The following NDUFAF2 variants were observed in gnomAD, a reference collection of about 807,000 sequenced individuals.
The protein encoded by NDUFAF2 is NADH dehydrogenase [ubiquinone] 1 alpha subcomplex assembly factor 2.
A neutral mutation model predicts 22.8 loss-of-function variants in NDUFAF2; 13 were observed. The observed-to-expected ratio is 0.57, with a 90% CI of 0.37 to 0.91. The LOEUF (loss-of-function observed/expected upper bound fraction) is 0.91. NDUFAF2 is among the 40% of genes least tolerant of loss of function. NDUFAF2 has a pLI of 0.01. For synonymous variants in NDUFAF2, 53 were observed against 64.2 expected, an observed-to-expected ratio of 0.83 and a Z score of 0.84; for missense variants, 162 against 195.2, an observed-to-expected ratio of 0.83 and a Z score of 1.01.
chr5:61,014,453 G>T (rs1049410685), intron 1 of NDUFAF2, among the ~76,000 whole-genome samples: 6 of 152,134 alleles, frequency 3.9e-5, no homozygotes. Flanking sequence ...TAAGTAGGTG[G>T]TAGTGAATAA....
chr5:61,141,703 G>C (rs1441544833), intron 3 of NDUFAF2, among the ~76,000 whole-genome samples: 1 of 147,112 alleles, frequency 6.8e-6, no homozygotes, highest in Non-Finnish European at 1.5e-5. Flanking sequence ...AAAAACACAT[G>C]AATGAATAAG....
At chr5:61,077,197 A>G (rs896231079) in intron 2 of NDUFAF2, among the ~76,000 whole-genome samples, 1 of 152,236 alleles carries the variant, frequency 6.6e-6, no homozygotes, top group African/African-American at 2.4e-5. Context: ...TGTATAAAGC[A>G]ATGAGACTGA....
At chr5:61,003,043 C>T (rs1249525523) in intron 1 of NDUFAF2, among the ~76,000 whole-genome samples, 1 of 152,078 alleles carries the variant, frequency 6.6e-6, no homozygotes, top group African/African-American at 2.4e-5. Flanking sequence ...GTCCACTATT[C>T]ACTGCTTTAT....
intron 1 of NDUFAF2, among the ~76,000 whole-genome samples, chr5:60,989,204 C>G (rs1580082558): frequency 6.6e-6 from 1 of 152,132 alleles, no homozygotes; most frequent in African/African-American, 2.4e-5. Context: ...ATCAGAACCA[C>G]AGCGTGATAT....
chr5:61,043,138 T>G (rs1356664575), intron 1 of NDUFAF2, among the ~76,000 whole-genome samples: 1 of 152,036 alleles, frequency 6.6e-6, no homozygotes, highest in Non-Finnish European at 1.5e-5. Context: ...GAGAATTGCT[T>G]GAACTTGGGA....
At chr5:60,990,280 CTA>C (rs2112584806) in intron 1 of NDUFAF2, among the ~76,000 whole-genome samples, 1 of 152,154 alleles carries the variant, frequency 6.6e-6, no homozygotes, top group Admixed American at 6.5e-5. Flanking sequence ...TTCACAATAA[CTA>C]AAAGAGTATA....
At chr5:60,969,643 T>A (rs1040680317) in intron 1 of NDUFAF2, among the ~76,000 whole-genome samples, 20 of 152,140 alleles carry the variant, frequency 1.3e-4, no homozygotes, top group African/African-American at 4.6e-4. Context: ...AGATGGGTAG[T>A]GTGCAAATAT....
chr5:61,092,471 T>C (rs578178588), intron 2 of NDUFAF2, among the ~76,000 whole-genome samples: 1 of 152,282 alleles, frequency 6.6e-6, no homozygotes, highest in Admixed American at 6.5e-5. Flanking sequence ...TTTGTGGCAA[T>C]TGTGAATGGG....
intron 1 of NDUFAF2, among the ~76,000 whole-genome samples, chr5:60,952,581 T>G (rs1750562682): frequency 6.6e-6 from 1 of 152,136 alleles, no homozygotes; most frequent in African/African-American, 2.4e-5. Flanking sequence ...AAATGTATTG[T>G]AAATTGTTTT....
At chr5:60,988,489 G>A (rs927743837) in intron 1 of NDUFAF2, among the ~76,000 whole-genome samples, 2 of 152,148 alleles carry the variant, frequency 1.3e-5, no homozygotes, top group African/African-American at 4.8e-5. Flanking sequence ...TAAGCTTAAA[G>A]AACAAACCTG....
chr5:61,047,958 A>G (rs1751973764), intron 1 of NDUFAF2, among the ~76,000 whole-genome samples: 1 of 152,210 alleles, frequency 6.6e-6, no homozygotes. Context: ...GAATAAAAGA[A>G]CAAAGAAAGT....
chr5:60,981,603 G>A (rs1041385310), intron 1 of NDUFAF2, among the ~76,000 whole-genome samples: 2 of 152,134 alleles, frequency 1.3e-5, no homozygotes, highest in Non-Finnish European at 2.9e-5. Flanking sequence ...AAGATGAACT[G>A]ATCAAGAATA....
Position 60,948,128 on chromosome 5 carries a change from C to T in NDUFAF2, c.127+2746C>T, listed in dbSNP as rs939885184. On this transcript the variant is annotated intron_variant, in intron 1 of 3. Transcript: ENST00000296597. Reference sequence around the variant, plus strand: ...ACAATTTGTTGTGCTCCTTTCTAGTCTTGCCTTATGCTTCTGCTTCCATGG... The same window carrying T: ...ACAATTTGTTGTGCTCCTTTCTAGTTTTGCCTTATGCTTCTGCTTCCATGG... Among the ~76,000 whole-genome samples the T allele has an allele frequency of 5.3e-5, 8 of 152,198 alleles. No homozygotes were observed. In the South Asian group the frequency reaches 1.7e-3, roughly 31 times the overall value.
intron 3 of NDUFAF2, among the ~76,000 whole-genome samples, chr5:61,134,603 A>C (rs1468973449): frequency 6.6e-6 from 1 of 152,064 alleles, no homozygotes; most frequent in Non-Finnish European, 1.5e-5. Flanking sequence ...GGAGAATGGC[A>C]TGAACCCAGG....
At chr5:60,960,874 T>A (rs898869565) in intron 1 of NDUFAF2, among the ~76,000 whole-genome samples, 6 of 152,208 alleles carry the variant, frequency 3.9e-5, no homozygotes, top group African/African-American at 7.2e-5. Flanking sequence ...TTTACACTTT[T>A]TTTCCCCTCA....
intron 1 of NDUFAF2, among the ~76,000 whole-genome samples, chr5:60,991,809 C>A (rs1194452178): frequency 6.6e-6 from 1 of 152,020 alleles, no homozygotes. Context: ...GGGGTATGTA[C>A]CTAGGGGAGG....
intron 3 of NDUFAF2, among the ~76,000 whole-genome samples, chr5:61,106,058 A>G (rs1206122960): frequency 2.6e-5 from 4 of 151,552 alleles, no homozygotes; most frequent in African/African-American, 9.8e-5. Context: ...AATCCGTTTA[A>G]GAAGCAATTA....
chr5:60,972,118 T>C (rs748706121), intron 1 of NDUFAF2, among the ~76,000 whole-genome samples: 15 of 151,912 alleles, frequency 9.9e-5, no homozygotes, highest in Non-Finnish European at 4.4e-5. Context: ...AATTTTTGTA[T>C]TTTTAGTAGA....
rs545760031 is a variant in NDUFAF2, at chr5:60,965,270, A to G, written c.127+19888A>G. On this transcript the variant is annotated intron_variant, in intron 1 of 3. Transcript: ENST00000296597. ...TTAAGGTATAATTGACAAAAATTGT[A>G]TATATTTACAGTGTACAATGTGATG... is the stretch of plus-strand genomic sequence containing the variant. Among the ~76,000 whole-genome samples the G allele has an allele frequency of 3.3e-5, 5 of 152,318 alleles. No individual in the cohort carries two copies. In the East Asian group the frequency reaches 7.7e-4, roughly 24 times the overall value.
Sources: gnomAD v4.1 joint callset for allele counts (sites outside exome capture counted in the v4.1 genomes callset) on GRCh38, gnomAD v4.1.1 for gene constraint, MANE v1.5 for transcripts, NCBI Gene and HGNC (gene_info 2026-07-23, HGNC 2026-07-21) for gene names.